The following PRKAR1B variants were observed in gnomAD, a reference collection of about 807,000 sequenced individuals.
PRKAR1B encodes protein kinase cAMP-dependent type I regulatory subunit beta, also known as cAMP-dependent protein kinase type I-beta regulatory subunit.
PRKAR1B carries 22 observed loss-of-function variants against 46.5 expected under a neutral mutation model. That is an observed-to-expected ratio of 0.47 (90% CI 0.34 to 0.68). The LOEUF (loss-of-function observed/expected upper bound fraction) is 0.68. Ranked by LOEUF, PRKAR1B falls within the 30% of genes least tolerant of loss-of-function variation. PRKAR1B has a pLI of 0.01. For synonymous variants in PRKAR1B, 259 were observed against 217.7 expected (o/e 1.19, Z -1.67); for missense variants, 445 against 535.6 (o/e 0.83, Z 1.67).
intron 9 of PRKAR1B, among the ~76,000 whole-genome samples, chr7:573,415 C>T (rs943708100): frequency 5.9e-5 from 9 of 152,078 alleles, no homozygotes; most frequent in Non-Finnish European, 1.2e-4. Context: ...CCAGCAGGCC[C>T]CTCCCCACAT....
At chr7:694,645 C>T (rs1226061199) in intron 2 of PRKAR1B, among the ~76,000 whole-genome samples, 2 of 152,168 alleles carry the variant, frequency 1.3e-5, no homozygotes, top group Non-Finnish European at 2.9e-5. Flanking sequence ...TCTGCTCAGA[C>T]CTCTGTGAGA....
rs189650868 is a variant in PRKAR1B, at chr7:725,933, T to C, written c.-23+1277A>G. Among the ~76,000 whole-genome samples the C allele has an allele frequency of 1.2e-3, 177 of 152,304 alleles. 1 individual carries two copies. Among genetic ancestry groups the C allele is most frequent in the African/African-American group, 4.0e-3 (168 of 41,576 alleles). ...CAAGAGAATCAACTTTGACTCTCCA[T>C]GGTTTCATCTCCAACCCGACCAATA... On this transcript the variant is annotated intron_variant, in intron 1 of 10. Transcript: ENST00000537384.
Position 551,495 on chromosome 7 carries a change from G to C in PRKAR1B, c.892-25C>G, listed in dbSNP as rs377407777. 4.5e-6 allele frequency: 7 copies of C among 1,548,720 alleles called. No individual in the cohort carries two copies. In the African/African-American group the frequency reaches 5.5e-5, roughly 12 times the overall value. ...CCTGTGGGTGGAGGTGGACAGACGT[G>C]AGTGCCAGCCAGGCGGGTGCAGGGT... On this transcript the variant is annotated intron_variant, in intron 9 of 10. Coordinates refer to ENST00000537384, the MANE Select transcript of PRKAR1B (RefSeq NM_001164760.2).
At chr7:633,191 T>C (rs926631019) in intron 4 of PRKAR1B, among the ~76,000 whole-genome samples, 4 of 152,168 alleles carry the variant, frequency 2.6e-5, no homozygotes, top group Admixed American at 6.5e-5. Flanking sequence ...GGACATGATG[T>C]CAAATGAAAA....
chr7:575,377 G>A (rs1779761614), intron 9 of PRKAR1B, among the ~76,000 whole-genome samples: 1 of 152,228 alleles, frequency 6.6e-6, no homozygotes, highest in Admixed American at 6.5e-5. Context: ...TGTGGTGGAA[G>A]CTGTAAGGCT....
intron 7 of PRKAR1B, among the ~76,000 whole-genome samples, chr7:588,898 T>C (rs149862363): frequency 0.083 from 185 of 2,230 alleles, 62 homozygotes; most frequent in East Asian, 0.5. Context: ...GTGGTGGTGA[T>C]GGTGACGGTG....
chr7:632,419 G>T (rs1176603929), intron 4 of PRKAR1B, among the ~76,000 whole-genome samples: 1 of 152,176 alleles, frequency 6.6e-6, no homozygotes, highest in Non-Finnish European at 1.5e-5. Context: ...AGCCCCCCGA[G>T]CCGCAGGCTC....
rs1785917259 is a variant in PRKAR1B, at chr7:666,189, C to T, written c.440+11040G>A. Reference sequence around the variant, plus strand: ...AGCCGGGAAGGGACCGGGATAGAACCCAAGGGCCTCCACCTCACTCCCCAA... The same window carrying T: ...AGCCGGGAAGGGACCGGGATAGAACTCAAGGGCCTCCACCTCACTCCCCAA... On this transcript the variant is annotated intron_variant, in intron 4 of 10. Transcript: ENST00000537384. This position sits in a 1 kb window ranked among gnomAD's most constrained non-coding sequence, Gnocchi z 4.9. 6.6e-6 allele frequency among the ~76,000 whole-genome samples: 1 copy of T among 152,148 alleles called. No individual in the cohort carries two copies. Among genetic ancestry groups the T allele is most frequent in the South Asian group, 2.1e-4 (1 of 4,828 alleles).
chr7:603,642 G>A, intron 6 of PRKAR1B, among the ~76,000 whole-genome samples: 1 of 150,958 alleles, frequency 6.6e-6, no homozygotes, highest in Non-Finnish European at 1.5e-5. Flanking sequence ...GTGACACCAG[G>A]ACCCAGAGTG....
At position 560,936 on chromosome 7, in the gene PRKAR1B, G is replaced by A. The variant is rs1361689783; in HGVS notation, c.892-9466C>T. 6.6e-6 allele frequency among the ~76,000 whole-genome samples: 1 copy of A among 152,192 alleles called. No homozygotes were observed. The highest frequency in any genetic ancestry group is 1.5e-5 in the Non-Finnish European group (1 of 68,036). ...GCCTGGAAAATTCAGGCTCACTCCA[G>A]TGCCTTTACGTTTCCTGTGCACACA... On this transcript the variant is annotated intron_variant, in intron 9 of 10. Transcript: ENST00000537384. This position sits in a 1 kb window ranked among gnomAD's most constrained non-coding sequence, Gnocchi z 4.2.
intron 4 of PRKAR1B, among the ~76,000 whole-genome samples, chr7:634,647 T>TG (rs1041912678): frequency 5.9e-5 from 9 of 151,296 alleles, no homozygotes; most frequent in African/African-American, 2.2e-4. Context: ...CTTACTGTTT[T>TG]TTTTTTTTTT....
intron 9 of PRKAR1B, among the ~76,000 whole-genome samples, chr7:573,304 T>G (rs146299801): frequency 0.021 from 3,263 of 152,286 alleles, 119 homozygotes; most frequent in African/African-American, 0.074. Context: ...GGCGCTGTTT[T>G]ATGTGAATCT....
chr7:659,538 G>A (rs1287024093), intron 4 of PRKAR1B, among the ~76,000 whole-genome samples: 1 of 152,122 alleles, frequency 6.6e-6, no homozygotes, highest in African/African-American at 2.4e-5. Context: ...GAAGGGAGCT[G>A]GGAGCCAATG....
At chr7:643,461 G>A (rs951968986) in intron 4 of PRKAR1B, among the ~76,000 whole-genome samples, 6 of 151,546 alleles carry the variant, frequency 4.0e-5, no homozygotes, top group African/African-American at 1.5e-4. Context: ...AGTGGCTCAT[G>A]CCTGTAATCC....
intron 7 of PRKAR1B, among the ~76,000 whole-genome samples, chr7:587,724 C>T (rs1473673663): frequency 6.6e-6 from 1 of 151,964 alleles, no homozygotes; most frequent in Non-Finnish European, 1.5e-5. Flanking sequence ...CCCTCCTGTG[C>T]AGCCCTCCTG....
At position 551,498 on chromosome 7, in the gene PRKAR1B, TGCCA is replaced by T. The variant is rs200097057; in HGVS notation, c.892-32_892-29del. 3.7e-3 allele frequency: 5,722 copies of T among 1,548,706 alleles called. 190 individuals carry two copies. The African/African-American group carries it at 0.069, about 19-fold the overall frequency. On this transcript the variant is annotated intron_variant, in intron 9 of 10. Coordinates refer to ENST00000537384, the MANE Select transcript of PRKAR1B (RefSeq NM_001164760.2). ...GTGGGTGGAGGTGGACAGACGTGAG[TGCCA>T]GCCAGGCGGGTGCAGGGTGGGACAC...
At chr7:574,242 C>T (rs1023889572) in intron 9 of PRKAR1B, among the ~76,000 whole-genome samples, 2 of 152,202 alleles carry the variant, frequency 1.3e-5, no homozygotes, top group African/African-American at 2.4e-5. Context: ...CCATTAAAGC[C>T]GAGGCTGCCA....
rs1303733609 is a variant in PRKAR1B, at chr7:684,101, C to T, written c.178-3375G>A. Among the ~76,000 whole-genome samples the T allele has an allele frequency of 2.6e-5, 4 of 151,570 alleles. No homozygotes were observed. In the South Asian group the frequency reaches 8.3e-4, roughly 32 times the overall value. On this transcript the variant is annotated intron_variant, in intron 2 of 10. Coordinates refer to ENST00000537384, the MANE Select transcript of PRKAR1B (RefSeq NM_001164760.2). ...CCATGTGCTCCAATGCCCACCTCCA[C>T]GTGCACCAATGCCCACCTCTACGTG... is the stretch of plus-strand genomic sequence containing the variant.
At chr7:645,064 C>A (rs1413345939) in intron 4 of PRKAR1B, among the ~76,000 whole-genome samples, 2 of 152,144 alleles carry the variant, frequency 1.3e-5, no homozygotes, top group African/African-American at 4.8e-5. Flanking sequence ...ATTTAGAAAT[C>A]CGGAAGAGAA....
Sources: gnomAD v4.1 joint callset for allele counts (sites outside exome capture counted in the v4.1 genomes callset) on GRCh38, gnomAD v4.1.1 for gene constraint, Gnocchi (gnomAD v3.1) non-coding constraint, MANE v1.5 for transcripts, NCBI Gene and HGNC (gene_info 2026-07-23, HGNC 2026-07-21) for gene names.